Variants in FLRT3 observed in about 807,000 individuals in gnomAD.
FLRT3 encodes leucine-rich repeat transmembrane protein FLRT3.
A neutral mutation model predicts 42.6 loss-of-function variants in FLRT3; 17 were observed. The observed-to-expected ratio is 0.40, with a 90% confidence interval of 0.27 to 0.60. The LOEUF is 0.60. Ranked by LOEUF, FLRT3 falls within the 20% of genes least tolerant of loss-of-function variation. FLRT3 has a pLI of 0.44. For missense variants in FLRT3, 635 were observed against 789.2 expected (o/e 0.80, Z 2.34); for synonymous variants, 279 against 286.4 (o/e 0.97, Z 0.26).
chr20:14,325,646 T>A lies in FLRT3; in HGVS notation c.1861A>T (p.Asn621Tyr). ...IHTIFPPNGM[N>Y]LYKNNHSESS... ...TCACTGTGATTGTTTTTGTACAGAT[T>A]CATTCCATTAGGAGGAAATATGGTG... Residue 621 changes from asparagine to tyrosine, a missense_variant, in exon 3 of 3, where the codon AAT (asparagine) becomes TAT (tyrosine). Coordinates refer to ENST00000341420, the MANE Select transcript of FLRT3 (RefSeq NM_198391.3). 1 of 1,613,798 alleles carries A rather than the reference T, an allele frequency of 6.2e-7. No individual in the cohort carries two copies. Among genetic ancestry groups the A allele is most frequent in the South Asian group, 1.1e-5 (1 of 91,080 alleles).
In FLRT3 at chr20:14,329,232, A is replaced by G. The variant is rs761034859; in HGVS notation, c.-151T>C. On this transcript the variant is annotated 5_prime_UTR_variant, in exon 2 of 3. Transcript: ENST00000341420. ...CAAGAACAGGTATTCTCTTTTAAGA[A>G]GTAAAGGAAACTAAATTCTTCATTT... 2.6e-5 allele frequency: 4 copies of G among 152,132 alleles called. No homozygotes were observed. The highest frequency in any genetic ancestry group is 5.9e-5 in the Non-Finnish European group (4 of 68,004). 9.4% of individuals were successfully genotyped at this position (152,132 alleles called of 1,614,324 possible). A position where few individuals can be genotyped will look rare whatever the true frequency, so the allele number is the denominator to read the frequency against.
intron 1 of FLRT3, among the ~76,000 whole-genome samples, chr20:14,335,469 A>G (rs1027606851): frequency 6.6e-6 from 1 of 152,328 alleles, no homozygotes; most frequent in South Asian, 2.1e-4. Context: ...AAGCAAAAGA[A>G]ACATACCTTC....
chr20:14,325,461 CT>C lies in FLRT3; in HGVS notation c.*95del. 7.6e-7 allele frequency: 1 copy of C among 1,315,650 alleles called. No homozygotes were observed. Among genetic ancestry groups the C allele is most frequent in the Non-Finnish European group, 1.0e-6 (1 of 957,792 alleles). 81.5% of individuals were successfully genotyped at this position (1,315,650 alleles called of 1,614,324 possible). On this transcript the variant is annotated 3_prime_UTR_variant, in exon 3 of 3. Coordinates refer to ENST00000341420, the MANE Select transcript of FLRT3 (RefSeq NM_198391.3). ...ACAGTACATTGCTTTTTTTCAGTCTCTTTTTCCAGTGTTTTGCAGTAGAACA... is the reference window on the plus strand; with the variant it reads ...ACAGTACATTGCTTTTTTTCAGTCTCTTTTCCAGTGTTTTGCAGTAGAACA...
Position 14,326,897 on chromosome 20 carries a change from G to A in FLRT3, c.610C>T (p.Leu204=). ...SLQGLTSLKR[L]VLDGNLLNNH... ...TTCAACAGGTTTCCATCTAGAACCA[G>A]GCGTTTTAGACTAGTGAGACCTTGA... is the stretch of plus-strand genomic sequence containing the variant. Residue 204 remains leucine (L), a synonymous_variant, in exon 3 of 3, where the codon CTG becomes TTG. Transcript: ENST00000341420. The surrounding 1 kb of genome is among the most constrained non-coding windows in gnomAD (Gnocchi z 5.5). The A allele has an allele frequency of 6.2e-7, 1 of 1,613,766 alleles. No homozygotes were observed. Among genetic ancestry groups the A allele is most frequent in the Non-Finnish European group, 8.5e-7 (1 of 1,179,814 alleles).
intron 1 of FLRT3, among the ~76,000 whole-genome samples, chr20:14,333,195 G>A (rs769965485): frequency 7.2e-5 from 11 of 152,086 alleles, no homozygotes; most frequent in Non-Finnish European, 1.6e-4. Context: ...CTATTTTCTA[G>A]CCTGAACAAG....
chr20:14,334,188 A>G (rs2082895078), intron 1 of FLRT3, among the ~76,000 whole-genome samples: 1 of 152,230 alleles, frequency 6.6e-6, no homozygotes, highest in Non-Finnish European at 1.5e-5. Context: ...TCGTAAATAG[A>G]TAACTCAAAG....
rs398124651 is a variant in FLRT3 at position 14,327,217 on chromosome 20, T to C, written c.290A>G (p.Glu97Gly). 6.2e-7 allele frequency: 1 copy of C among 1,613,684 alleles called. No homozygotes were observed. The highest frequency in any genetic ancestry group is 8.5e-7 in the Non-Finnish European group (1 of 1,179,736). The change falls in exon 3 of 3, where the codon GAA becomes GGA. Residue 97 changes from glutamate (E) to glycine (G), a missense_variant. Coordinates refer to ENST00000341420, the MANE Select transcript of FLRT3 (RefSeq NM_198391.3). ...ATACTTTGGGAGGTTGGTAGGAAAT[T>C]CATCTAAACTGTTGTGGTATAGGTA... ...RIYLYHNSLD[E>G]FPTNLPKYVK...
At chr20:14,328,689 G>A (rs1229090133) in intron 2 of FLRT3, among the ~76,000 whole-genome samples, 5 of 152,054 alleles carry the variant, frequency 3.3e-5, no homozygotes, top group African/African-American at 1.2e-4. Context: ...CCTTGGAAAT[G>A]TTCTTCACCG....
In FLRT3 at chr20:14,327,437, G is replaced by A; in HGVS notation, c.70C>T (p.Leu24=). Residue 24 remains leucine, a synonymous_variant, in exon 3 of 3, where the codon CTA becomes TTA. Coordinates refer to ENST00000341420, the MANE Select transcript of FLRT3 (RefSeq NM_198391.3). ...KIGLFLQVAP[L]SVMAKSCPSV... ...GGACAGGATTTAGCCATAACTGATA[G>A]AGGTGCTACTTGAAGGAACAGCCCA... is the stretch of plus-strand genomic sequence containing the variant. 2.5e-6 allele frequency: 4 copies of A among 1,613,550 alleles called. No homozygotes were observed. Among genetic ancestry groups the A allele is most frequent in the Non-Finnish European group, 2.5e-6 (3 of 1,179,622 alleles).
chr20:14,337,524 C>A lies in FLRT3; in HGVS notation c.-367G>T. The A allele has an allele frequency of 2.5e-6, 1 of 398,666 alleles. No homozygotes were observed. The highest frequency in any genetic ancestry group is 3.6e-5 in the East Asian group (1 of 28,070). The allele number at this position is 398,666 out of a possible 1,614,324, so 24.7% of individuals were successfully genotyped here. On this transcript the variant is annotated 5_prime_UTR_variant, in exon 1 of 3. Transcript: ENST00000341420. Reference sequence around the variant, plus strand: ...AGCTCTGCGTCCAGTCCACACAAAGCCCACGGCAGCTGCAGGCTGAGCTTG... The same window carrying A: ...AGCTCTGCGTCCAGTCCACACAAAGACCACGGCAGCTGCAGGCTGAGCTTG...
At chr20:14,331,944 G>A (rs1031234266) in intron 1 of FLRT3, among the ~76,000 whole-genome samples, 4 of 152,044 alleles carry the variant, frequency 2.6e-5, no homozygotes, top group African/African-American at 9.7e-5. Context: ...GCTTGAAAGA[G>A]GCCATTACTT....
At chr20:14,335,433 T>C (rs2082918791) in intron 1 of FLRT3, among the ~76,000 whole-genome samples, 1 of 152,224 alleles carries the variant, frequency 6.6e-6, no homozygotes, top group Non-Finnish European at 1.5e-5. Flanking sequence ...TTTGATAGAA[T>C]TGTAGGCTCC....
At chr20:14,333,640 G>A (rs1236887727) in intron 1 of FLRT3, among the ~76,000 whole-genome samples, 1 of 152,040 alleles carries the variant, frequency 6.6e-6, no homozygotes, top group Non-Finnish European at 1.5e-5. Flanking sequence ...TAACAGTGTG[G>A]GTACAACTTG....
intron 1 of FLRT3, among the ~76,000 whole-genome samples, chr20:14,333,475 C>T (rs559214209): frequency 1.3e-5 from 2 of 152,114 alleles, no homozygotes; most frequent in East Asian, 3.9e-4. Flanking sequence ...GTTGTAAGAA[C>T]GAGTAAGATA....
At chr20:14,334,621 C>A (rs1426371514) in intron 1 of FLRT3, among the ~76,000 whole-genome samples, 1 of 125,480 alleles carries the variant, frequency 8.0e-6, no homozygotes, top group Non-Finnish European at 1.6e-5. Context: ...CAAAGCCTCC[C>A]GTTGAGAAGA....
chr20:14,334,043 A>G (rs2082891797), intron 1 of FLRT3, among the ~76,000 whole-genome samples: 1 of 152,204 alleles, frequency 6.6e-6, no homozygotes, highest in Non-Finnish European at 1.5e-5. Context: ...ACCTGCAGAA[A>G]GCTTTTTATA....
intron 1 of FLRT3, among the ~76,000 whole-genome samples, chr20:14,335,942 A>T (rs1385631982): frequency 6.6e-6 from 1 of 152,180 alleles, no homozygotes; most frequent in African/African-American, 2.4e-5. Flanking sequence ...CTGGCATATT[A>T]TCATTAATAT....
rs140068491 is a variant in FLRT3 at position 14,327,544 on chromosome 20, C to A, written c.-38G>T. Reference sequence around the variant, plus strand: ...TGAGGTCTTTATACAAGGTAGCTTCCGTTACTTCAGAACCCTAAAATGAAG... The same window carrying A: ...TGAGGTCTTTATACAAGGTAGCTTCAGTTACTTCAGAACCCTAAAATGAAG... On this transcript the variant is annotated 5_prime_UTR_variant, in exon 3 of 3. Transcript: ENST00000341420. The A allele has an allele frequency of 1.7e-5, 27 of 1,559,892 alleles. No homozygotes were observed. In the African/African-American group the frequency reaches 2.9e-4, roughly 17 times the overall value.
rs2082789786 is a variant in FLRT3 at position 14,329,186 on chromosome 20, G to A, written c.-105C>T. The A allele has an allele frequency of 6.6e-6, 1 of 152,018 alleles. No individual in the cohort carries two copies. Among genetic ancestry groups the A allele is most frequent in the Admixed American group, 6.6e-5 (1 of 15,226 alleles). 9.4% of individuals were successfully genotyped at this position (152,018 alleles called of 1,614,324 possible). On this transcript the variant is annotated 5_prime_UTR_variant, in exon 2 of 3. Coordinates refer to ENST00000341420, the MANE Select transcript of FLRT3 (RefSeq NM_198391.3). The stretch of plus-strand genomic sequence containing the variant: ...TTGCTTCTTGCTGATTTTTCAGAAT[G>A]TCTGGTGCAGTCACGTTATACAAGA...
Sources: gnomAD v4.1 joint callset for allele counts (sites outside exome capture counted in the v4.1 genomes callset) on GRCh38, gnomAD v4.1.1 for gene constraint, Gnocchi (gnomAD v3.1) non-coding constraint, MANE v1.5 for transcripts, NCBI Gene and HGNC (gene_info 2026-07-23, HGNC 2026-07-21) for gene names.